MBP: variants seen among roughly 807,000 people sequenced by gnomAD.
MBP encodes myelin basic protein.
MBP carries 16 observed loss-of-function variants against 35.8 expected under a neutral mutation model. The ratio of observed to expected loss-of-function variants is 0.45; its 90% CI spans 0.30 to 0.68. MBP has a LOEUF of 0.68. MBP is among the 30% of genes least tolerant of loss of function. MBP has a pLI of 0.08. For synonymous variants in MBP, 143 were observed against 159.6 expected (o/e 0.90, Z 0.78); for missense variants, 380 against 404.7 (o/e 0.94, Z 0.52).
At chr18:76,994,879 A>AT (rs1402393507) in intron 4 of MBP, among the ~76,000 whole-genome samples, 2 of 152,188 alleles carry the variant, frequency 1.3e-5, no homozygotes, top group Non-Finnish European at 2.9e-5. Context: ...GATCATACAC[A>AT]TTTTTTGGTT....
At chr18:77,030,733 T>C (rs898299531) in intron 3 of MBP, among the ~76,000 whole-genome samples, 3 of 152,260 alleles carry the variant, frequency 2.0e-5, no homozygotes, top group African/African-American at 7.2e-5. Flanking sequence ...TGGTTTGTGA[T>C]TTGGTGTTTT....
chr18:76,996,843 C>G (rs1163916905), intron 4 of MBP, among the ~76,000 whole-genome samples: 1 of 152,068 alleles, frequency 6.6e-6, no homozygotes, highest in Non-Finnish European at 1.5e-5. Context: ...CAAAGCAAGC[C>G]CATTTTGTTC....
At position 77,102,497 on chromosome 18, in the gene MBP, G is replaced by GA. The variant is rs889650129; in HGVS notation, c.51+2713dup. ...TATTTCCCATCAAGTTTAAAGGAAA[G>GA]AAAAAAAAGCTCTTACTTCTTAAAA... On this transcript the variant is annotated intron_variant, in intron 2 of 8. Coordinates refer to ENST00000355994, the MANE Select transcript of MBP (RefSeq NM_001025101.2). The surrounding 1 kb of genome is among the most constrained non-coding windows in gnomAD (Gnocchi z 4.4). Among the ~76,000 whole-genome samples, 1 of 151,722 alleles carries GA rather than the reference G, an allele frequency of 6.6e-6. No homozygotes were observed. The highest frequency in any genetic ancestry group is 1.5e-5 in the Non-Finnish European group (1 of 67,850).
intron 1 of MBP, among the ~76,000 whole-genome samples, chr18:77,125,366 A>C (rs1332366589): frequency 1.3e-5 from 2 of 152,214 alleles, no homozygotes; most frequent in Non-Finnish European, 2.9e-5. Flanking sequence ...TCTACAAGAC[A>C]ACTGGCTTAT....
chr18:76,987,609 T>A, intron 7 of MBP: 1 of 985,630 alleles, frequency 1.0e-6, no homozygotes. Flanking sequence ...ATTTATATGA[T>A]GCTTATTAAT....
chr18:76,997,739 G>A (rs1279078344), intron 4 of MBP, among the ~76,000 whole-genome samples: 3 of 151,174 alleles, frequency 2.0e-5, no homozygotes, highest in East Asian at 3.9e-4. Context: ...CTGGAGTGCA[G>A]TGGCGCGACC....
intron 3 of MBP, chr18:77,017,919 T>C (rs944948220): frequency 6.6e-6 from 1 of 152,220 alleles, no homozygotes; most frequent in East Asian, 1.9e-4. Flanking sequence ...TATACCAGCA[T>C]CTCATAGCTT....
At chr18:76,985,242 A>G in intron 7 of MBP, 1 of 1,358,726 alleles carries the variant, frequency 7.4e-7, no homozygotes, top group African/African-American at 1.5e-5. Flanking sequence ...ATTAGCAAAC[A>G]TCAAGCAAAT....
chr18:77,021,901 C>T (rs1040537235), intron 3 of MBP, among the ~76,000 whole-genome samples: 6 of 152,122 alleles, frequency 3.9e-5, no homozygotes, highest in African/African-American at 9.7e-5. Context: ...AATCTGAGAA[C>T]GCACGGTGAC....
intron 3 of MBP, among the ~76,000 whole-genome samples, chr18:77,018,642 A>AT (rs1971812061): frequency 7.1e-6 from 1 of 140,096 alleles, no homozygotes; most frequent in African/African-American, 2.7e-5. Flanking sequence ...CCATCCATCC[A>AT]CATATCAGTC....
intron 2 of MBP, chr18:77,087,220 CTGCCCTGCCCCTT>C (rs1364522072): frequency 2.0e-5 from 3 of 152,268 alleles, no homozygotes; most frequent in African/African-American, 7.2e-5. Context: ...CCCCACCCCT[CTGCCCTGCCCCTT>C]AGGGAAAACC....
chr18:77,066,244 C>G, intron 3 of MBP, 54 bp downstream of exon 3: 1 of 1,305,984 alleles, frequency 7.7e-7, no homozygotes, highest in Non-Finnish European at 1.1e-6. Flanking sequence ...AGTGAGAGTG[C>G]AGGTGCACGC....
At chr18:77,067,641 C>T (rs1261449157) in intron 2 of MBP, among the ~76,000 whole-genome samples, 1 of 152,176 alleles carries the variant, frequency 6.6e-6, no homozygotes, top group African/African-American at 2.4e-5. Context: ...TGGGCAGCCG[C>T]GCTGGCCCTG....
At position 76,980,026 on chromosome 18, in the gene MBP, T is replaced by A; in HGVS notation, c.*401A>T. ...CTGCCGCCCACGTCCTCTCTGTCTC[T>A]GCAGCTGTGTGCCTCCATGGCAGTG... On this transcript the variant is annotated 3_prime_UTR_variant, in exon 9 of 9. Transcript: ENST00000355994. 1 of 702,548 alleles carries A rather than the reference T, an allele frequency of 1.4e-6. No individual in the cohort carries two copies. The highest frequency in any genetic ancestry group is 2.6e-6 in the Non-Finnish European group (1 of 385,010). The allele number at this position is 702,548 out of a possible 1,614,324, so 43.5% of individuals were successfully genotyped here.
chr18:76,992,327 G>A (rs62105700), intron 4 of MBP, among the ~76,000 whole-genome samples: 16,488 of 152,224 alleles, frequency 0.11, 1,099 homozygotes, highest in South Asian at 0.19. Context: ...TCCCAGTAGG[G>A]TTTGCTCTCC....
intron 2 of MBP, among the ~76,000 whole-genome samples, chr18:77,098,168 CTTT>C (rs3214873): frequency 0.023 from 2,512 of 108,498 alleles, 94 homozygotes; most frequent in African/African-American, 0.081. Flanking sequence ...CAAGGACTTC[CTTT>C]TTTTTTTTTT....
At chr18:77,029,172 G>A (rs1972423387) in intron 3 of MBP, among the ~76,000 whole-genome samples, 1 of 123,838 alleles carries the variant, frequency 8.1e-6, no homozygotes, top group African/African-American at 2.6e-5. Context: ...ACCTCGGGAG[G>A]CCGAGGCTGG....
At chr18:77,067,889 G>A (rs757073960) in intron 2 of MBP, 6 of 498,136 alleles carry the variant, frequency 1.2e-5, no homozygotes, top group Middle Eastern at 3.3e-4. Context: ...CAGACCTAGT[G>A]TGACTCACTT....
chr18:76,997,871 A>G (rs562658425), intron 4 of MBP, among the ~76,000 whole-genome samples: 253 of 151,266 alleles, frequency 1.7e-3, no homozygotes, highest in African/African-American at 5.8e-3. Context: ...TTTAGTAGAG[A>G]CGGGGTTTCA....
Sources: allele counts gnomAD v4.1 joint callset (sites outside exome capture counted in the v4.1 genomes callset), GRCh38; gene constraint gnomAD v4.1.1; non-coding constraint Gnocchi (gnomAD v3.1); transcripts MANE v1.5; gene names NCBI Gene and HGNC (gene_info 2026-07-23, HGNC 2026-07-21).